The following KIF9 variants were observed in gnomAD, a reference collection of about 807,000 sequenced individuals.
The protein encoded by KIF9 is kinesin-like protein KIF9.
In KIF9, 68 loss-of-function variants were observed where a neutral mutation model predicts 94.8. The observed-to-expected ratio is 0.72, with a 90% confidence interval of 0.59 to 0.88. KIF9 has a LOEUF of 0.88. Ranked by LOEUF, KIF9 falls within the 40% of genes least tolerant of loss-of-function variation. The probability of loss-of-function intolerance (pLI) is 0.00; values close to 1 mark genes in which losing one functional copy is unlikely to be tolerated. For synonymous variants in KIF9, 343 were observed against 362.1 expected, an observed-to-expected ratio of 0.95 and a Z score of 0.60; for missense variants, 882 against 982.5, an observed-to-expected ratio of 0.90 and a Z score of 1.37.
intron 19 of KIF9, 112 bp from the exon 20 acceptor site, chr3:47,235,729 G>A (rs556081983): frequency 6.4e-5 from 52 of 812,352 alleles, no homozygotes; most frequent in South Asian, 1.4e-4. Context: ...CCGCCCCACC[G>A]CCACCAAAAG....
At position 47,271,446 on chromosome 3, in the gene KIF9, C is replaced by T. The variant is rs747606222; in HGVS notation, c.382G>A (p.Glu128Lys). The T allele has an allele frequency of 5.0e-5, 81 of 1,613,780 alleles. No individual in the cohort carries two copies. Among genetic ancestry groups the T allele is most frequent in the Non-Finnish European group, 6.6e-5 (78 of 1,179,928 alleles). ...GTGATGGCATGTGTGGGGCGTTCTT[C>T]GATCATCCTAAAAACCTAGATGACA... ...RALQQVFRMI[E>K]ERPTHAITVR... Residue 128 changes from glutamate to lysine, a missense_variant, in exon 5 of 21, where the codon GAA becomes AAA. Physicochemically the swap from Glu to Lys is moderately conservative, Grantham distance 56. Transcript: ENST00000684063.
At chr3:47,236,342 G>T in intron 18 of KIF9, 101 bp downstream of exon 18, 1 of 1,346,312 alleles carries the variant, frequency 7.4e-7, no homozygotes, top group South Asian at 1.3e-5. Context: ...CCCTGGCTCT[G>T]CCAGAGAGAA....
intron 1 of KIF9, among the ~76,000 whole-genome samples, chr3:47,278,774 C>G (rs1464865553): frequency 1.3e-5 from 2 of 151,968 alleles, no homozygotes; most frequent in Non-Finnish European, 2.9e-5. Context: ...GAGTTCAAGA[C>G]CAGCCTGGCC....
intron 14 of KIF9, 55 bp from the exon 15 acceptor site, chr3:47,244,979 T>TA: frequency 6.2e-7 from 1 of 1,603,002 alleles, no homozygotes; most frequent in Non-Finnish European, 8.5e-7. Context: ...CTTGGACCCC[T>TA]TGGGGACCCA....
chr3:47,266,862 G>C, intron 7 of KIF9, 114 bp downstream of exon 7: 1 of 842,962 alleles, frequency 1.2e-6, no homozygotes, highest in Non-Finnish European at 2.0e-6. Context: ...ACTTCGCCTA[G>C]CTCAGGACTG....
At chr3:47,276,384 C>T (rs200685907) in intron 2 of KIF9, among the ~76,000 whole-genome samples, 10 of 151,806 alleles carry the variant, frequency 6.6e-5, no homozygotes, top group Admixed American at 3.3e-4. Flanking sequence ...GGCAAAACCC[C>T]GTCTCTACTA....
chr3:47,262,751 C>T (rs1171118882), intron 9 of KIF9, among the ~76,000 whole-genome samples: 1 of 152,206 alleles, frequency 6.6e-6, no homozygotes, highest in Admixed American at 6.5e-5. Context: ...AGCTGCGAGA[C>T]CCTGCAGGCA....
chr3:47,250,541 C>A (rs561497485), intron 10 of KIF9: 2 of 471,672 alleles, frequency 4.2e-6, no homozygotes, highest in Middle Eastern at 7.3e-4. Context: ...GGGTAATGTG[C>A]CAATGTCGTA....
chr3:47,240,147 T>C (rs6798440), intron 17 of KIF9: 11,821 of 299,390 alleles, frequency 0.039, 1,359 homozygotes, highest in African/African-American at 0.24. Context: ...AGTGCAGGTG[T>C]GGGCGGCGCA....
chr3:47,275,889 C>A (rs1701934551), intron 2 of KIF9, among the ~76,000 whole-genome samples: 1 of 152,178 alleles, frequency 6.6e-6, no homozygotes, highest in African/African-American at 2.4e-5. Flanking sequence ...GCCTGGGCTC[C>A]AGCCTCATTG....
intron 5 of KIF9, among the ~76,000 whole-genome samples, chr3:47,270,197 C>T (rs1455286487): frequency 6.6e-6 from 1 of 151,836 alleles, no homozygotes; most frequent in Non-Finnish European, 1.5e-5. Flanking sequence ...AGCCACCGCA[C>T]CTGGCTCTAA....
rs1199625638 is a variant in KIF9 at position 47,247,277 on chromosome 3, A to C, written c.1233+96T>G. 18 of 799,198 alleles carry C rather than the reference A, an allele frequency of 2.3e-5. No homozygotes were observed. Among genetic ancestry groups the C allele is most frequent in the Admixed American group, 9.1e-5 (5 of 54,858 alleles). The allele number at this position is 799,198 out of a possible 1,614,324, so 49.5% of individuals were successfully genotyped here. A position where few individuals can be genotyped will look rare whatever the true frequency, so the allele number is the denominator to read the frequency against. ...CCCTCCACCCACTGCACCCATTCAC[A>C]TGAGGCTCTGAGGCCAGCAGAGCAT... is the stretch of plus-strand genomic sequence containing the variant. On this transcript the variant is annotated intron_variant, in intron 12 of 20. Coordinates refer to ENST00000684063, the MANE Select transcript of KIF9 (RefSeq NM_182902.4).
At chr3:47,241,912 C>T (rs1218105431) in intron 16 of KIF9, among the ~76,000 whole-genome samples, 1 of 135,450 alleles carries the variant, frequency 7.4e-6, no homozygotes, top group Admixed American at 7.9e-5. Flanking sequence ...TTGGAGACAG[C>T]ATGCTCTGTT....
In KIF9 at chr3:47,228,260, G is replaced by T. The variant is rs534121907; in HGVS notation, c.*392C>A. ...ATCCAGGAAAGGGGCTGACCAGTGTGACAAAGGCCTGCCAGGAGGAGCCTG... is the reference window on the plus strand; with the variant it reads ...ATCCAGGAAAGGGGCTGACCAGTGTTACAAAGGCCTGCCAGGAGGAGCCTG... On this transcript the variant is annotated 3_prime_UTR_variant, in exon 21 of 21. Transcript: ENST00000684063. The T allele has an allele frequency of 1.2e-5, 2 of 173,638 alleles. No homozygotes were observed. Among genetic ancestry groups the T allele is most frequent in the South Asian group, 2.7e-4 (2 of 7,338 alleles). 10.8% of individuals were successfully genotyped at this position (173,638 alleles called of 1,614,324 possible).
chr3:47,247,299 G>T, intron 12 of KIF9, 74 bp downstream of exon 12: 2 of 958,170 alleles, frequency 2.1e-6, no homozygotes, highest in Non-Finnish European at 3.4e-6. Flanking sequence ...GGCCAGCAGA[G>T]CATGCGTTGG....
rs764851825 is a variant in KIF9 at position 47,243,227 on chromosome 3, T to G, written c.1533A>C (p.Glu511Asp). 2.5e-6 allele frequency: 4 copies of G among 1,609,972 alleles called. No homozygotes were observed. The African/African-American group carries it at 5.3e-5, about 22-fold the overall frequency. ...KEPLSSLARK[E>D]GASSPVNGKD... ...TCCCATTCACAGGGCTGCTGGCACC[T>G]TCCTTTCTTGCCAAGGAGCTGGAAG... Residue 511 changes from glutamate (E) to aspartate (D), a missense_variant, in exon 16 of 21, where the codon GAA becomes GAC. Glu to Asp is a conservative substitution (Grantham distance 45). Transcript: ENST00000684063.
At chr3:47,263,818 G>T in intron 9 of KIF9, 2 of 456,412 alleles carry the variant, frequency 4.4e-6, no homozygotes, top group South Asian at 3.1e-5. Flanking sequence ...TTTCTACCAG[G>T]TTACTCCTGC....
rs903538 is a variant in KIF9 at position 47,275,235 on chromosome 3, G to C, written c.259+90C>G. The C allele has an allele frequency of 7.6e-3, 7,378 of 974,298 alleles. 44 individuals carry two copies. Among genetic ancestry groups the C allele is most frequent in the Non-Finnish European group, 9.9e-3 (6,480 of 652,026 alleles). 60.4% of individuals were successfully genotyped at this position (974,298 alleles called of 1,614,324 possible). A position where few individuals can be genotyped will look rare whatever the true frequency, so the allele number is the denominator to read the frequency against. The stretch of plus-strand genomic sequence containing the variant: ...GACAGACAAACATACAAATGATAGT[G>C]AGTGAGCTTTTATTTTATTCACCAT... On this transcript the variant is annotated intron_variant, in intron 3 of 20. Transcript: ENST00000684063.
intron 5 of KIF9, among the ~76,000 whole-genome samples, chr3:47,267,706 T>C (rs923462498): frequency 6.6e-6 from 1 of 152,134 alleles, no homozygotes; most frequent in African/African-American, 2.4e-5. Context: ...AAAGCATTCA[T>C]AGAAGAAATA....
Sources: gnomAD v4.1 joint callset for allele counts (sites outside exome capture counted in the v4.1 genomes callset) on GRCh38, gnomAD v4.1.1 for gene constraint, MANE v1.5 for transcripts, NCBI Gene and HGNC (gene_info 2026-07-23, HGNC 2026-07-21) for gene names.